The following RGS9 variants were observed in gnomAD, a reference collection of about 807,000 sequenced individuals.
RGS9 encodes regulator of G protein signaling 9.
In RGS9, 78 loss-of-function variants were observed where a neutral mutation model predicts 102.0. The observed-to-expected ratio is 0.76, with a 90% confidence interval of 0.64 to 0.92. RGS9 has a LOEUF of 0.92. Among genes scored for constraint, RGS9 ranks in the 40% least tolerant of loss-of-function variants. The probability of loss-of-function intolerance (pLI) is 0.00; values close to 1 mark genes in which losing one functional copy is unlikely to be tolerated. For missense variants in RGS9, 833 were observed against 866.1 expected, an observed-to-expected ratio of 0.96 and a Z score of 0.48; for synonymous variants, 353 against 318.6, an observed-to-expected ratio of 1.11 and a Z score of -1.15.
chr17:65,226,620 T>A (rs1418225702), intron 18 of RGS9, among the ~76,000 whole-genome samples: 1 of 151,358 alleles, frequency 6.6e-6, no homozygotes, highest in East Asian at 1.9e-4. Context: ...TCTGGGTGTT[T>A]TTTTTTTTTT....
intron 1 of RGS9, among the ~76,000 whole-genome samples, chr17:65,138,388 T>C (rs753145306): frequency 6.6e-6 from 1 of 152,104 alleles, no homozygotes; most frequent in Non-Finnish European, 1.5e-5. Context: ...GCTTATCTTG[T>C]TGAGTAGAAT....
chr17:65,202,033 G>A lies in RGS9; in HGVS notation c.1017G>A (p.Lys339=). Residue 339 remains lysine, a synonymous_variant, in exon 14 of 19, where the codon AAG becomes AAA. Coordinates refer to ENST00000262406, the MANE Select transcript of RGS9 (RefSeq NM_003835.4). The stretch of plus-strand genomic sequence containing the variant: ...TCTGGGAAGCCTGCGAGGATCTGAA[G>A]TATGGAGATCAGTCCAAAGTCAAGG... The part of the protein sequence containing the change: ...LGFWEACEDL[K]YGDQSKVKEK... 1.2e-6 allele frequency: 2 copies of A among 1,613,888 alleles called. No individual in the cohort carries two copies. Among genetic ancestry groups the A allele is most frequent in the East Asian group, 2.2e-5 (1 of 44,876 alleles).
In RGS9 at chr17:65,192,759, C is replaced by T. The variant is rs570405050; in HGVS notation, c.747-784C>T. On this transcript the variant is annotated intron_variant, in intron 11 of 18. Coordinates refer to ENST00000262406, the MANE Select transcript of RGS9 (RefSeq NM_003835.4). ...TCTTCCTCCAAATAGTGTGTTTGGA[C>T]CAATTAAGCCCCAGGTTTAAATAAT... Among the ~76,000 whole-genome samples the T allele has an allele frequency of 1.7e-4, 26 of 152,086 alleles. No individual in the cohort carries two copies. In the East Asian group the frequency reaches 5.0e-3, roughly 29 times the overall value.
intron 17 of RGS9, among the ~76,000 whole-genome samples, chr17:65,223,731 C>T (rs1487459733): frequency 2.0e-5 from 3 of 151,640 alleles, no homozygotes; most frequent in Non-Finnish European, 4.4e-5. Context: ...ACCAGAGCAT[C>T]CCCAGCTTGT....
At chr17:65,151,499 A>T (rs1335746735) in intron 1 of RGS9, among the ~76,000 whole-genome samples, 1 of 152,154 alleles carries the variant, frequency 6.6e-6, no homozygotes, top group African/African-American at 2.4e-5. Flanking sequence ...TTCCTTGGAC[A>T]GTTTGTTGAT....
intron 9 of RGS9, among the ~76,000 whole-genome samples, chr17:65,186,333 C>T (rs1483495292): frequency 1.3e-5 from 2 of 151,720 alleles, no homozygotes; most frequent in Non-Finnish European, 2.9e-5. Flanking sequence ...TCCACCCCAC[C>T]CCCCACCAAG....
intron 9 of RGS9, chr17:65,179,905 G>T (rs1206328624): frequency 1.3e-5 from 2 of 152,226 alleles, no homozygotes; most frequent in African/African-American, 2.4e-5. Context: ...GTGTACGACA[G>T]AGGGTGCCTT....
chr17:65,170,364 T>C (rs1039994006), intron 8 of RGS9, among the ~76,000 whole-genome samples: 7 of 152,172 alleles, frequency 4.6e-5, no homozygotes, highest in Non-Finnish European at 1.5e-5. Flanking sequence ...CCTTCTGCAT[T>C]CTTATTGAAC....
chr17:65,150,981 A>G (rs1042394238), intron 1 of RGS9, among the ~76,000 whole-genome samples: 1 of 152,202 alleles, frequency 6.6e-6, no homozygotes, highest in African/African-American at 2.4e-5. Context: ...ACAGCGAATA[A>G]CAAGAGAAAC....
rs3838367 is a variant in RGS9 at position 65,202,444 on chromosome 17, T to TGTGTGTGAGAGA, written c.1064+365_1064+366insTGTGTGAGAGAG. 6.9e-3 allele frequency among the ~76,000 whole-genome samples: 914 copies of TGTGTGTGAGAGA among 131,714 alleles called. 10 individuals are homozygous for TGTGTGTGAGAGA. Among genetic ancestry groups the TGTGTGTGAGAGA allele is most frequent in the Middle Eastern group, 0.02 (5 of 250 alleles). 86.4% of individuals were successfully genotyped at this position (131,714 alleles called of 152,430 possible). On this transcript the variant is annotated intron_variant, in intron 14 of 18. Coordinates refer to ENST00000262406, the MANE Select transcript of RGS9 (RefSeq NM_003835.4). The stretch of plus-strand genomic sequence containing the variant: ...GTGTGTGTGTGTGTGTGTGTGTGTG[T>TGTGTGTGAGAGA]GAGAGAGAGAGAGAGAGAGAGAGTG...
At chr17:65,223,752 C>CTTTTTTTTTTTTTTT in intron 17 of RGS9, among the ~76,000 whole-genome samples, 1 of 137,594 alleles carries the variant, frequency 7.3e-6, no homozygotes, top group Non-Finnish European at 1.6e-5. Flanking sequence ...TCATGCCAGG[C>CTTTTTTTTTTTTTTT]TTTTTTTTTT....
At chr17:65,144,054 A>T (rs997632445) in intron 1 of RGS9, among the ~76,000 whole-genome samples, 5 of 152,218 alleles carry the variant, frequency 3.3e-5, no homozygotes, top group Admixed American at 1.3e-4. Flanking sequence ...TTTTGGAGAA[A>T]GACTACCGAG....
At chr17:65,153,221 G>A (rs1321690401) in intron 1 of RGS9, among the ~76,000 whole-genome samples, 1 of 152,214 alleles carries the variant, frequency 6.6e-6, no homozygotes, top group African/African-American at 2.4e-5. Flanking sequence ...TTCACATGCA[G>A]GGATGGGATC....
intron 9 of RGS9, among the ~76,000 whole-genome samples, chr17:65,187,064 A>G (rs999360205): frequency 6.6e-6 from 1 of 152,234 alleles, no homozygotes; most frequent in African/African-American, 2.4e-5. Context: ...GGGATCAAAT[A>G]AGTATGACTG....
chr17:65,142,610 C>T (rs393916), intron 1 of RGS9, among the ~76,000 whole-genome samples: 143,329 of 147,926 alleles, frequency 0.97, 69,596 homozygotes, highest in East Asian at 1. Context: ...TGAGACAGAG[C>T]CTGTCTCTGT....
At chr17:65,207,627 T>C (rs961327285) in intron 15 of RGS9, among the ~76,000 whole-genome samples, 10 of 152,326 alleles carry the variant, frequency 6.6e-5, no homozygotes, top group Non-Finnish European at 1.5e-5. Flanking sequence ...GATCTGAAGC[T>C]GTGAGCTGTA....
At chr17:65,219,799 ATT>A (rs1913638278) in intron 17 of RGS9, among the ~76,000 whole-genome samples, 1 of 152,092 alleles carries the variant, frequency 6.6e-6, no homozygotes, top group African/African-American at 2.4e-5. Flanking sequence ...CACCATCATC[ATT>A]GTCACCACCT....
chr17:65,200,685 GCT>G (rs1310194310), intron 13 of RGS9, among the ~76,000 whole-genome samples: 2 of 152,084 alleles, frequency 1.3e-5, no homozygotes, highest in African/African-American at 2.4e-5. Flanking sequence ...GCACCCAGGA[GCT>G]TTTAAAAAAA....
intron 14 of RGS9, among the ~76,000 whole-genome samples, chr17:65,203,110 A>G (rs1912919746): frequency 6.6e-6 from 1 of 152,236 alleles, no homozygotes; most frequent in South Asian, 2.1e-4. Context: ...TCCTTCCTGC[A>G]AATGAACTCA....
Sources: allele counts gnomAD v4.1 joint callset (sites outside exome capture counted in the v4.1 genomes callset), GRCh38; gene constraint gnomAD v4.1.1; transcripts MANE v1.5; gene names NCBI Gene and HGNC (gene_info 2026-07-23, HGNC 2026-07-21).